The following PTPRD variants were observed in gnomAD, a reference collection of about 807,000 sequenced individuals.
PTPRD encodes the protein protein tyrosine phosphatase receptor type D, also known as receptor-type tyrosine-protein phosphatase delta.
PTPRD carries 34 observed loss-of-function variants against 214.5 expected under a neutral mutation model. The observed-to-expected ratio is 0.16, with a 90% confidence interval of 0.12 to 0.21. PTPRD has a LOEUF of 0.21. PTPRD is among the 10% of genes least tolerant of loss of function. The pLI, the probability that PTPRD is intolerant of heterozygous loss-of-function variation, is 1.00. For synonymous variants in PTPRD, 1,128 were observed against 845.7 expected (o/e 1.33, Z -5.79); for missense variants, 2,545 against 2,398.7 (o/e 1.06, Z -1.27).
intron 10 of PTPRD, among the ~76,000 whole-genome samples, chr9:9,160,096 C>T (rs2099885168): frequency 6.6e-6 from 1 of 152,038 alleles, no homozygotes; most frequent in South Asian, 2.1e-4. Context: ...AACTATAAAT[C>T]TTAGAGAGGA....
chr9:8,725,043 T>C (rs953484930), intron 12 of PTPRD, among the ~76,000 whole-genome samples: 3 of 152,250 alleles, frequency 2.0e-5, no homozygotes, highest in Non-Finnish European at 2.9e-5. Flanking sequence ...GTTAACTTCC[T>C]GGTTTTGATA....
intron 7 of PTPRD, among the ~76,000 whole-genome samples, chr9:9,699,559 C>A (rs1167514163): frequency 6.6e-6 from 1 of 152,012 alleles, no homozygotes; most frequent in East Asian, 1.9e-4. Context: ...TCTATTAGAA[C>A]AGTTTTTACC....
At chr9:9,032,234 A>G (rs1350993901) in intron 10 of PTPRD, among the ~76,000 whole-genome samples, 2 of 151,990 alleles carry the variant, frequency 1.3e-5, no homozygotes, top group African/African-American at 2.4e-5. Context: ...CCAACGCCAC[A>G]TTCTGAAAGT....
At chr9:10,448,464 A>G (rs999667696) in intron 2 of PTPRD, among the ~76,000 whole-genome samples, 4 of 152,110 alleles carry the variant, frequency 2.6e-5, no homozygotes, top group African/African-American at 9.7e-5. Context: ...ACTAAGTATA[A>G]TAAGTATAAT....
chr9:8,826,651 T>C (rs531027918), intron 11 of PTPRD, among the ~76,000 whole-genome samples: 23 of 139,632 alleles, frequency 1.6e-4, no homozygotes, highest in Non-Finnish European at 2.8e-4. Context: ...TTTTTCTATA[T>C]AGTGCTTATC....
chr9:10,093,150 A>G (rs2098449441), intron 3 of PTPRD, among the ~76,000 whole-genome samples: 1 of 151,660 alleles, frequency 6.6e-6, no homozygotes, highest in Middle Eastern at 3.2e-3. Flanking sequence ...GAAAAGGAAA[A>G]GAGTAAACAG....
chr9:8,735,894 A>C (rs948289213), intron 11 of PTPRD, among the ~76,000 whole-genome samples: 2 of 144,878 alleles, frequency 1.4e-5, no homozygotes, highest in Non-Finnish European at 3.0e-5. Context: ...TCTGGGTGAC[A>C]AGTGAGACTT....
At chr9:8,511,642 G>C (rs1231520023) in intron 21 of PTPRD, among the ~76,000 whole-genome samples, 1 of 152,028 alleles carries the variant, frequency 6.6e-6, no homozygotes, top group Non-Finnish European at 1.5e-5. Context: ...ATTCAAAGGA[G>C]AGATATGATA....
chr9:8,966,933 CAACA>C (rs2099199349), intron 11 of PTPRD, among the ~76,000 whole-genome samples: 1 of 149,444 alleles, frequency 6.7e-6, no homozygotes, highest in Non-Finnish European at 1.5e-5. Flanking sequence ...AACAAACAAA[CAACA>C]AAACAACAAA....
chr9:10,557,492 C>T (rs1337936589), intron 2 of PTPRD, among the ~76,000 whole-genome samples: 1 of 151,978 alleles, frequency 6.6e-6, no homozygotes, highest in Non-Finnish European at 1.5e-5. Flanking sequence ...AAATGTAAAC[C>T]TGCTTAAGTT....
At chr9:8,847,669 T>C (rs558291565) in intron 11 of PTPRD, among the ~76,000 whole-genome samples, 1 of 152,338 alleles carries the variant, frequency 6.6e-6, no homozygotes, top group South Asian at 2.1e-4. Flanking sequence ...TCCTGTATTT[T>C]ATTATTTATA....
intron 39 of PTPRD, among the ~76,000 whole-genome samples, chr9:8,347,812 A>T (rs1349493742): frequency 1.3e-5 from 2 of 152,148 alleles, no homozygotes; most frequent in African/African-American, 4.8e-5. Flanking sequence ...CGGCACAGTG[A>T]GAAAGTAGTC....
intron 2 of PTPRD, among the ~76,000 whole-genome samples, chr9:10,399,598 T>G (rs2098235939): frequency 6.6e-6 from 1 of 151,852 alleles, no homozygotes; most frequent in African/African-American, 2.4e-5. Context: ...TATAATTCAT[T>G]AGAAATAGAT....
intron 14 of PTPRD, among the ~76,000 whole-genome samples, chr9:8,604,052 C>T (rs2095048534): frequency 6.6e-6 from 1 of 152,186 alleles, no homozygotes; most frequent in Non-Finnish European, 1.5e-5. Context: ...TTTAATTCTT[C>T]ACTTCAGCTT....
intron 4 of PTPRD, among the ~76,000 whole-genome samples, chr9:9,957,039 G>T (rs2093983397): frequency 6.6e-6 from 1 of 152,100 alleles, no homozygotes; most frequent in Non-Finnish European, 1.5e-5. Context: ...TTGGAGTTGA[G>T]AACTCCATGT....
chr9:10,264,481 C>A (rs1165013250), intron 3 of PTPRD, among the ~76,000 whole-genome samples: 1 of 152,172 alleles, frequency 6.6e-6, no homozygotes, highest in Non-Finnish European at 1.5e-5. Flanking sequence ...TAAGATTTGA[C>A]TGCCCTGCTG....
intron 35 of PTPRD, among the ~76,000 whole-genome samples, chr9:8,407,455 C>G (rs1239313065): frequency 6.6e-6 from 1 of 152,092 alleles, no homozygotes; most frequent in East Asian, 1.9e-4. Flanking sequence ...ATACAGTTAC[C>G]CTCAAACCAG....
intron 3 of PTPRD, among the ~76,000 whole-genome samples, chr9:10,209,416 C>T (rs1251095674): frequency 2.6e-5 from 4 of 152,100 alleles, no homozygotes; most frequent in Non-Finnish European, 5.9e-5. Context: ...TAGTGGCAAT[C>T]GAATTTCTTC....
At chr9:10,598,417 G>C (rs1376117575) in intron 2 of PTPRD, among the ~76,000 whole-genome samples, 1 of 151,616 alleles carries the variant, frequency 6.6e-6, no homozygotes, top group Non-Finnish European at 1.5e-5. Flanking sequence ...GGACATAATG[G>C]TAAAGATATC....
Sources: allele counts gnomAD v4.1 joint callset (sites outside exome capture counted in the v4.1 genomes callset), GRCh38; gene constraint gnomAD v4.1.1; transcripts MANE v1.5; gene names NCBI Gene and HGNC (gene_info 2026-07-23, HGNC 2026-07-21).